The following CDH4 variants were observed in gnomAD, a reference collection of about 807,000 sequenced individuals.
CDH4 encodes cadherin-4.
Under a neutral mutation model 86.0 loss-of-function variants are expected in CDH4, and 33 were observed. The observed-to-expected ratio is 0.38, with a 90% CI of 0.29 to 0.51. The LOEUF (loss-of-function observed/expected upper bound fraction) is 0.51, where lower values mean the gene tolerates loss of function less well. CDH4 is among the 20% of genes least tolerant of loss of function. The pLI is 0.86. For missense variants in CDH4, 1,114 were observed against 1,307.4 expected, an observed-to-expected ratio of 0.85 and a Z score of 2.28; for synonymous variants, 555 against 549.4, an observed-to-expected ratio of 1.01 and a Z score of -0.14.
rs2088538081 is a variant in CDH4, at chr20:61,754,675, A to G, written c.396+10886A>G. 6.8e-6 allele frequency among the ~76,000 whole-genome samples: 1 copy of G among 146,066 alleles called. No homozygotes were observed. Among genetic ancestry groups the G allele is most frequent in the Non-Finnish European group, 1.5e-5 (1 of 66,478 alleles). On this transcript the variant is annotated intron_variant, in intron 3 of 15. Coordinates refer to ENST00000614565, the MANE Select transcript of CDH4 (RefSeq NM_001794.5). This position sits in a 1 kb window ranked among gnomAD's most constrained non-coding sequence, Gnocchi z 4.7. ...CCACACGCACACACGCCCCGCACAC[A>G]CTATGCACACCACACACACAGTGCA...
intron 2 of CDH4, among the ~76,000 whole-genome samples, chr20:61,485,654 G>A (rs768929133): frequency 3.3e-5 from 5 of 152,298 alleles, no homozygotes; most frequent in Non-Finnish European, 7.4e-5. Flanking sequence ...GGTTCTCCAT[G>A]GCGATGATGG....
At chr20:61,574,611 C>T (rs1008212136) in intron 2 of CDH4, among the ~76,000 whole-genome samples, 5 of 152,072 alleles carry the variant, frequency 3.3e-5, no homozygotes, top group African/African-American at 1.2e-4. Context: ...TTGCAGAGGA[C>T]CCAATGTGAG....
At chr20:61,603,876 G>A (rs2086622061) in intron 2 of CDH4, among the ~76,000 whole-genome samples, 2 of 152,126 alleles carry the variant, frequency 1.3e-5, no homozygotes, top group South Asian at 4.2e-4. Flanking sequence ...AAAGCATCAG[G>A]GACATAGTAA....
intron 2 of CDH4, among the ~76,000 whole-genome samples, chr20:61,554,237 C>T (rs1411837846): frequency 1.3e-5 from 2 of 152,218 alleles, no homozygotes; most frequent in Non-Finnish European, 2.9e-5. Context: ...ATTTCCATTT[C>T]CTTCTGGTTC....
chr20:61,665,740 A>G (rs557781712), intron 2 of CDH4, among the ~76,000 whole-genome samples: 16 of 152,268 alleles, frequency 1.1e-4, no homozygotes, highest in Middle Eastern at 3.4e-3. Flanking sequence ...CACGGGGGTC[A>G]CCTAACATCG....
At chr20:61,665,654 C>T (rs1480527084) in intron 2 of CDH4, among the ~76,000 whole-genome samples, 3 of 152,222 alleles carry the variant, frequency 2.0e-5, no homozygotes, top group Admixed American at 2.0e-4. Flanking sequence ...CGAACGAGTG[C>T]TCCCGGCAGG....
intron 2 of CDH4, among the ~76,000 whole-genome samples, chr20:61,616,524 T>C (rs1224463606): frequency 6.6e-6 from 1 of 151,994 alleles, no homozygotes; most frequent in South Asian, 2.1e-4. Flanking sequence ...GGCAGGTTAG[T>C]GGGGTAAATA....
chr20:61,891,928 GCTTACACTGC>G (rs746817957), intron 7 of CDH4, among the ~76,000 whole-genome samples: 2 of 152,188 alleles, frequency 1.3e-5, no homozygotes, highest in Non-Finnish European at 2.9e-5. Flanking sequence ...GGTGGCAGTG[GCTTACACTGC>G]CTGATATTGG....
intron 2 of CDH4, among the ~76,000 whole-genome samples, chr20:61,330,866 C>A (rs1015888839): frequency 1.3e-5 from 2 of 152,262 alleles, no homozygotes; most frequent in Middle Eastern, 3.4e-3. Flanking sequence ...TTAGAATATT[C>A]CCAAATGATA....
intron 4 of CDH4, among the ~76,000 whole-genome samples, chr20:61,791,476 A>C (rs1979197664): frequency 6.6e-6 from 1 of 152,244 alleles, no homozygotes; most frequent in Non-Finnish European, 1.5e-5. Context: ...TCACCCGGTC[A>C]TGGATGAGAC....
At chr20:61,635,226 C>T (rs1322153302) in intron 2 of CDH4, among the ~76,000 whole-genome samples, 2 of 152,216 alleles carry the variant, frequency 1.3e-5, no homozygotes, top group Non-Finnish European at 2.9e-5. Flanking sequence ...CTGTTTTCCA[C>T]AGGGGCCTCA....
chr20:61,869,969 A>G (rs2066423), intron 6 of CDH4, among the ~76,000 whole-genome samples: 61,726 of 151,872 alleles, frequency 0.41, 13,362 homozygotes, highest in Non-Finnish European at 0.49. Flanking sequence ...GAGGAGGGGG[A>G]CCTCTGTGGT....
At position 61,516,430 on chromosome 20, in the gene CDH4, CA is replaced by C. The variant is rs994150050; in HGVS notation, c.170-227132del. Among the ~76,000 whole-genome samples the C allele has an allele frequency of 1.8e-4, 27 of 152,304 alleles. No homozygotes were observed. The highest frequency in any genetic ancestry group is 3.1e-4 in the Non-Finnish European group (21 of 68,028). On this transcript the variant is annotated intron_variant, in intron 2 of 15. Coordinates refer to ENST00000614565, the MANE Select transcript of CDH4 (RefSeq NM_001794.5). This position sits in a 1 kb window ranked among gnomAD's most constrained non-coding sequence, Gnocchi z 4.0. ...TGCATCACCTCCGACTCCTCATCAC[CA>C]GATGCCGCTGCGGCTTCCATTTTAC... is the stretch of plus-strand genomic sequence containing the variant.
rs1017115077 is a variant in CDH4, at chr20:61,811,423, T to C, written c.577-33245T>C. On this transcript the variant is annotated intron_variant, in intron 4 of 15. Coordinates refer to ENST00000614565, the MANE Select transcript of CDH4 (RefSeq NM_001794.5). This position sits in a 1 kb window ranked among gnomAD's most constrained non-coding sequence, Gnocchi z 4.4. Reference sequence around the variant, plus strand: ...GAAATCAAGATCACACTTTTGACAATCTGAAGCAAGGAAAAAACAGCAGAC... The same window carrying C: ...GAAATCAAGATCACACTTTTGACAACCTGAAGCAAGGAAAAAACAGCAGAC... 2.0e-5 allele frequency among the ~76,000 whole-genome samples: 3 copies of C among 152,146 alleles called. No homozygotes were observed. The highest frequency in any genetic ancestry group is 7.2e-5 in the African/African-American group (3 of 41,434).
intron 2 of CDH4, among the ~76,000 whole-genome samples, chr20:61,407,259 C>A (rs1011249223): frequency 6.6e-6 from 1 of 152,218 alleles, no homozygotes; most frequent in Non-Finnish European, 1.5e-5. Context: ...TGGCTGGGTT[C>A]TTTCTCATTA....
At chr20:61,888,163 C>A (rs1341145237) in intron 7 of CDH4, among the ~76,000 whole-genome samples, 1 of 152,196 alleles carries the variant, frequency 6.6e-6, no homozygotes, top group African/African-American at 2.4e-5. Flanking sequence ...CAGCCACATC[C>A]CTGCAGAGCC....
Position 61,680,124 on chromosome 20 carries a change from G to A in CDH4, c.170-63439G>A, listed in dbSNP as rs191301096. 4.1e-3 allele frequency among the ~76,000 whole-genome samples: 623 copies of A among 152,300 alleles called. 7 individuals are homozygous for A. Among genetic ancestry groups the A allele is most frequent in the African/African-American group, 0.014 (593 of 41,566 alleles). On this transcript the variant is annotated intron_variant, in intron 2 of 15. Transcript: ENST00000614565. The stretch of plus-strand genomic sequence containing the variant: ...CTGCATCCTGAAGCGAGGAACAGAC[G>A]CCATCTTTAAGCACCCCAGGACCCA...
At chr20:61,565,304 CTCTTGGTGGTGGCGGTG>C in intron 2 of CDH4, among the ~76,000 whole-genome samples, 1 of 42,200 alleles carries the variant, frequency 2.4e-5, no homozygotes, top group African/African-American at 1.3e-4. Context: ...GGTGGCGGTG[CTCTTGGTGGTGGCGGTG>C]CTCTTGGTGA....
At chr20:61,903,701 TG>T (rs2054754637) in intron 8 of CDH4, among the ~76,000 whole-genome samples, 1 of 152,158 alleles carries the variant, frequency 6.6e-6, no homozygotes, top group South Asian at 2.1e-4. Flanking sequence ...AAGCAGGGTA[TG>T]GGGCCGAGAG....
Sources: gnomAD v4.1 joint callset for allele counts (sites outside exome capture counted in the v4.1 genomes callset) on GRCh38, gnomAD v4.1.1 for gene constraint, Gnocchi (gnomAD v3.1) non-coding constraint, MANE v1.5 for transcripts, NCBI Gene and HGNC (gene_info 2026-07-23, HGNC 2026-07-21) for gene names.